The following JAKMIP2 variants were observed in gnomAD, a reference collection of about 807,000 sequenced individuals.
JAKMIP2 encodes janus kinase and microtubule-interacting protein 2.
A neutral mutation model predicts 115.0 loss-of-function variants in JAKMIP2; 25 were observed. That is an observed-to-expected ratio of 0.22 (90% CI 0.16 to 0.30). The LOEUF is 0.30. JAKMIP2 is among the 10% of genes least tolerant of loss of function. The probability of loss-of-function intolerance (pLI) is 1.00; values close to 1 mark genes in which losing one functional copy is unlikely to be tolerated. For synonymous variants in JAKMIP2, 334 were observed against 343.6 expected (o/e 0.97, Z 0.31); for missense variants, 642 against 957.6 (o/e 0.67, Z 4.35).
chr5:147,715,776 C>T (rs181182338), intron 1 of JAKMIP2, among the ~76,000 whole-genome samples: 2 of 150,950 alleles, frequency 1.3e-5, no homozygotes, highest in South Asian at 2.1e-4. Flanking sequence ...ATATAACATA[C>T]ATCATATCAT....
At chr5:147,776,385 ATT>A (rs1324185864) in intron 1 of JAKMIP2, among the ~76,000 whole-genome samples, 3 of 152,146 alleles carry the variant, frequency 2.0e-5, no homozygotes, top group Non-Finnish European at 4.4e-5. Context: ...CTCAGCTCTC[ATT>A]CTTTTCCCTC....
At chr5:147,721,301 T>C (rs778820162) in intron 1 of JAKMIP2, among the ~76,000 whole-genome samples, 162 of 152,250 alleles carry the variant, frequency 1.1e-3, no homozygotes, top group Non-Finnish European at 1.8e-3. Flanking sequence ...GCTGTCTTTT[T>C]GTTTGTCTGT....
At chr5:147,740,538 C>G (rs1754104598) in intron 1 of JAKMIP2, among the ~76,000 whole-genome samples, 1 of 152,208 alleles carries the variant, frequency 6.6e-6, no homozygotes, top group Admixed American at 6.5e-5. Flanking sequence ...ACCTACCCTA[C>G]AACCCAAGGG....
chr5:147,637,436 G>GTTTTTTTTTTTTTT (rs1561506660), intron 10 of JAKMIP2, among the ~76,000 whole-genome samples: 1 of 74,040 alleles, frequency 1.4e-5, no homozygotes, highest in Non-Finnish European at 2.3e-5. Context: ...AAATTCTTTT[G>GTTTTTTTTTTTTTT]ATTTTTTTTT....
intron 1 of JAKMIP2, among the ~76,000 whole-genome samples, chr5:147,755,055 A>T (rs1027064170): frequency 6.6e-6 from 1 of 152,188 alleles, no homozygotes. Context: ...GCGTTATTCC[A>T]TAGGTATCAA....
intron 1 of JAKMIP2, among the ~76,000 whole-genome samples, chr5:147,680,338 G>A (rs972513894): frequency 1.3e-5 from 2 of 152,086 alleles, no homozygotes; most frequent in Admixed American, 6.5e-5. Context: ...GGGGAAATAC[G>A]ACCTACATTG....
chr5:147,731,401 C>A (rs1307528942), intron 1 of JAKMIP2, among the ~76,000 whole-genome samples: 1 of 152,174 alleles, frequency 6.6e-6, no homozygotes, highest in Non-Finnish European at 1.5e-5. Context: ...GTGCCCAGGT[C>A]TGGACAATAA....
chr5:147,703,820 T>C (rs928850330), intron 1 of JAKMIP2, among the ~76,000 whole-genome samples: 3 of 152,152 alleles, frequency 2.0e-5, no homozygotes, highest in Non-Finnish European at 4.4e-5. Flanking sequence ...TCTTTTGTAA[T>C]AACAGCTTAA....
chr5:147,768,660 G>A (rs1368459573), intron 1 of JAKMIP2, among the ~76,000 whole-genome samples: 1 of 152,104 alleles, frequency 6.6e-6, no homozygotes, highest in Non-Finnish European at 1.5e-5. Flanking sequence ...CTAATGGACA[G>A]CATTACAATG....
chr5:147,694,536 G>A (rs911749049), intron 1 of JAKMIP2, among the ~76,000 whole-genome samples: 5 of 152,162 alleles, frequency 3.3e-5, no homozygotes, highest in Non-Finnish European at 7.3e-5. Flanking sequence ...GGCTATGCTT[G>A]TCAAAGCTGC....
At chr5:147,703,988 C>T (rs1464370703) in intron 1 of JAKMIP2, among the ~76,000 whole-genome samples, 1 of 152,020 alleles carries the variant, frequency 6.6e-6, no homozygotes, top group Admixed American at 6.6e-5. Context: ...TGCACAGGGT[C>T]AGGGGTCAGG....
chr5:147,745,588 A>G (rs1220707274), intron 1 of JAKMIP2, among the ~76,000 whole-genome samples: 1 of 151,488 alleles, frequency 6.6e-6, no homozygotes, highest in Non-Finnish European at 1.5e-5. Context: ...GGCCTTTTGT[A>G]CTCTCCTCTT....
intron 18 of JAKMIP2, among the ~76,000 whole-genome samples, chr5:147,618,669 C>T (rs927654649): frequency 7.9e-5 from 12 of 152,038 alleles, no homozygotes; most frequent in Admixed American, 2.6e-4. Context: ...ACCCGAGAGG[C>T]GGAAGTTGCA....
At chr5:147,631,646 A>G (rs1757355513) in intron 13 of JAKMIP2, 135 bp from the exon 14 acceptor site, 1 of 555,514 alleles carries the variant, frequency 1.8e-6, no homozygotes, top group East Asian at 3.0e-5. Flanking sequence ...CAATCTCAAG[A>G]TGTTCATGAT....
chr5:147,736,313 T>C (rs1419978292), intron 1 of JAKMIP2, among the ~76,000 whole-genome samples: 1 of 150,014 alleles, frequency 6.7e-6, no homozygotes, highest in Non-Finnish European at 1.5e-5. Flanking sequence ...AAAAAAAAAA[T>C]AGCTGCATGT....
Position 147,591,503 on chromosome 5 carries a change from G to A in JAKMIP2, c.*204C>T. 1.5e-6 allele frequency: 1 copy of A among 667,966 alleles called. No individual in the cohort carries two copies. The highest frequency in any genetic ancestry group is 2.7e-6 in the Non-Finnish European group (1 of 373,172). The allele number at this position is 667,966 out of a possible 1,614,324, so 41.4% of individuals were successfully genotyped here. A position where few individuals can be genotyped will look rare whatever the true frequency, so the allele number is the denominator to read the frequency against. On this transcript the variant is annotated 3_prime_UTR_variant, in exon 22 of 22. Transcript: ENST00000616793. Reference sequence around the variant, plus strand: ...CAGCATATATTGTAGATTTTCAACAGGGTTGTGTAGGAACTGTCAAGTAAG... The same window carrying A: ...CAGCATATATTGTAGATTTTCAACAAGGTTGTGTAGGAACTGTCAAGTAAG...
intron 1 of JAKMIP2, among the ~76,000 whole-genome samples, chr5:147,698,077 G>C (rs1307315671): frequency 6.6e-6 from 1 of 152,200 alleles, no homozygotes; most frequent in Non-Finnish European, 1.5e-5. Context: ...CAGGAGCGGA[G>C]CTTCCCAAGG....
intron 1 of JAKMIP2, among the ~76,000 whole-genome samples, chr5:147,766,960 C>T (rs75274239): frequency 0.025 from 3,748 of 152,148 alleles, 176 homozygotes; most frequent in African/African-American, 0.084. Flanking sequence ...TTAAATAAAC[C>T]AAAAACCTCT....
intron 1 of JAKMIP2, among the ~76,000 whole-genome samples, chr5:147,691,190 G>C (rs541607361): frequency 6.6e-6 from 1 of 151,956 alleles, no homozygotes; most frequent in Admixed American, 6.6e-5. Context: ...AGAAAACACT[G>C]TTACCCATAA....
Sources: allele counts gnomAD v4.1 joint callset (sites outside exome capture counted in the v4.1 genomes callset), GRCh38; gene constraint gnomAD v4.1.1; transcripts MANE v1.5; gene names NCBI Gene and HGNC (gene_info 2026-07-23, HGNC 2026-07-21).